TTC17: variants seen among roughly 807,000 people sequenced by gnomAD.
TTC17 encodes the protein tetratricopeptide repeat domain 17.
TTC17 carries 58 observed loss-of-function variants against 143.8 expected under a neutral mutation model. That is an observed-to-expected ratio of 0.40 (90% CI 0.33 to 0.50). The LOEUF is 0.50. Ranked by LOEUF, TTC17 falls within the 20% of genes least tolerant of loss-of-function variation. TTC17 has a pLI of 0.49. For missense variants in TTC17, 1,273 were observed against 1,392.5 expected (o/e 0.91, Z 1.37); for synonymous variants, 501 against 497.8 (o/e 1.01, Z -0.09).
chr11:43,361,908 T>C (rs1403831924), intron 1 of TTC17, among the ~76,000 whole-genome samples: 1 of 152,166 alleles, frequency 6.6e-6, no homozygotes, highest in Non-Finnish European at 1.5e-5. Context: ...ATATGGGTCA[T>C]TGTTTTCCAC....
chr11:43,449,215 A>G (rs1411282584), intron 19 of TTC17: 1 of 152,316 alleles, frequency 6.6e-6, no homozygotes, highest in Non-Finnish European at 1.5e-5. Context: ...AAAGTGGACC[A>G]TAAAGCCTTT....
intron 2 of TTC17, among the ~76,000 whole-genome samples, chr11:43,385,235 G>A (rs151338218): frequency 3.9e-5 from 6 of 152,250 alleles, no homozygotes; most frequent in African/African-American, 7.2e-5. Flanking sequence ...AAGAGATAGA[G>A]GGAGCGAGTA....
intron 16 of TTC17, among the ~76,000 whole-genome samples, chr11:43,442,109 T>C (rs962467293): frequency 6.6e-6 from 1 of 152,236 alleles, no homozygotes; most frequent in African/African-American, 2.4e-5. Flanking sequence ...AGCATGTTTA[T>C]GTACTGCAAT....
intron 1 of TTC17, among the ~76,000 whole-genome samples, chr11:43,371,640 A>T (rs1382699100): frequency 6.6e-6 from 1 of 152,130 alleles, no homozygotes; most frequent in Non-Finnish European, 1.5e-5. Context: ...TGGTCAACTT[A>T]ACCTTCAGCC....
chr11:43,456,131 C>G (rs558677412), intron 21 of TTC17, among the ~76,000 whole-genome samples: 2 of 151,712 alleles, frequency 1.3e-5, no homozygotes, highest in African/African-American at 4.8e-5. Context: ...ATATTCAGTA[C>G]CAACTTAGTT....
chr11:43,449,196 A>G (rs1294216970), intron 19 of TTC17: 4 of 152,244 alleles, frequency 2.6e-5, no homozygotes, highest in African/African-American at 9.7e-5. Context: ...GAAATTCTTA[A>G]TGCTATTTAA....
chr11:43,440,737 A>T (rs1055989134), intron 16 of TTC17, among the ~76,000 whole-genome samples: 1 of 152,092 alleles, frequency 6.6e-6, no homozygotes, highest in African/African-American at 2.4e-5. Flanking sequence ...TCATCCTGTT[A>T]TTCTTCTGTT....
rs148534856 is a variant in TTC17 at position 43,393,384 on chromosome 11, A to C, written c.663+1432A>C. ...TGGTTTATTGTAAAGGATGCAATTC[A>C]GGAACAGCCAAAGGCATAAGCCAGG... On this transcript the variant is annotated intron_variant, in intron 5 of 23. Coordinates refer to ENST00000039989, the MANE Select transcript of TTC17 (RefSeq NM_018259.6). Among the ~76,000 whole-genome samples, 688 of 152,304 alleles carry C rather than the reference A, an allele frequency of 4.5e-3. 4 individuals are homozygous for C. The highest frequency in any genetic ancestry group is 0.016 in the African/African-American group (647 of 41,568).
At chr11:43,359,182 C>T in intron 1 of TTC17, 69 bp downstream of exon 1, 2 of 1,460,898 alleles carry the variant, frequency 1.4e-6, no homozygotes, top group Non-Finnish European at 1.8e-6. Flanking sequence ...TGCTTGGCCC[C>T]TGGCTGTTGG....
At chr11:43,371,496 G>A (rs181904251) in intron 1 of TTC17, among the ~76,000 whole-genome samples, 49 of 152,328 alleles carry the variant, frequency 3.2e-4, no homozygotes, top group African/African-American at 1.2e-3. Context: ...ACAGGGTGAC[G>A]TATGGGGCAA....
At chr11:43,468,736 A>G (rs898737452) in intron 21 of TTC17, among the ~76,000 whole-genome samples, 20 of 152,128 alleles carry the variant, frequency 1.3e-4, no homozygotes, top group Non-Finnish European at 4.4e-5. Context: ...GGAGTTCAAG[A>G]CCAACCAGGG....
chr11:43,434,045 C>T (rs1269408895), intron 16 of TTC17, among the ~76,000 whole-genome samples: 1 of 152,076 alleles, frequency 6.6e-6, no homozygotes, highest in African/African-American at 2.4e-5. Flanking sequence ...ACTACACATA[C>T]CAGATGGTGA....
At chr11:43,466,742 A>G in intron 21 of TTC17, 1 of 312,946 alleles carries the variant, frequency 3.2e-6, no homozygotes, top group South Asian at 3.5e-5. Flanking sequence ...CCATGGCCAA[A>G]TGGTGGGATG....
intron 1 of TTC17, among the ~76,000 whole-genome samples, chr11:43,368,877 G>A (rs1236176403): frequency 6.6e-6 from 1 of 152,148 alleles, no homozygotes; most frequent in Non-Finnish European, 1.5e-5. Flanking sequence ...TTTCTTGTGT[G>A]GTGTGGTGTG....
chr11:43,480,944 G>A (rs1948275544), intron 21 of TTC17, among the ~76,000 whole-genome samples: 1 of 146,944 alleles, frequency 6.8e-6, no homozygotes, highest in Non-Finnish European at 1.5e-5. Flanking sequence ...CTATAATACA[G>A]CAGTGACAAT....
chr11:43,365,670 T>C (rs905787288), intron 1 of TTC17, among the ~76,000 whole-genome samples: 3 of 152,354 alleles, frequency 2.0e-5, no homozygotes, highest in African/African-American at 7.2e-5. Flanking sequence ...CTTTACCTTG[T>C]ACAAAAATAA....
chr11:43,465,558 G>T (rs1463395020), intron 21 of TTC17, among the ~76,000 whole-genome samples: 2 of 152,146 alleles, frequency 1.3e-5, no homozygotes, highest in African/African-American at 2.4e-5. Context: ...GCTGAGAATT[G>T]CAATAACTGA....
At chr11:43,385,121 T>TA (rs1857122258) in intron 2 of TTC17, among the ~76,000 whole-genome samples, 1 of 152,194 alleles carries the variant, frequency 6.6e-6, no homozygotes, top group South Asian at 2.1e-4. Flanking sequence ...TGCAGATCTT[T>TA]ATCAGAAACT....
chr11:43,401,619 C>A, intron 10 of TTC17, 61 bp downstream of exon 10: 1 of 1,210,802 alleles, frequency 8.3e-7, no homozygotes, highest in Non-Finnish European at 1.2e-6. Flanking sequence ...TTTTTTAAAA[C>A]TTTTGTTTTT....
Sources: gnomAD v4.1 joint callset for allele counts (sites outside exome capture counted in the v4.1 genomes callset) on GRCh38, gnomAD v4.1.1 for gene constraint, MANE v1.5 for transcripts, NCBI Gene and HGNC (gene_info 2026-07-23, HGNC 2026-07-21) for gene names.